ST8SIA4: variants seen among roughly 807,000 people sequenced by gnomAD.
ST8SIA4 encodes the protein CMP-N-acetylneuraminate-poly-alpha-2,8-sialyltransferase.
In ST8SIA4, 15 loss-of-function variants were observed where a neutral mutation model predicts 33.9. The ratio of observed to expected loss-of-function variants is 0.44; its 90% CI spans 0.30 to 0.68. The LOEUF is 0.68. Ranked by LOEUF, ST8SIA4 falls within the 30% of genes least tolerant of loss-of-function variation. ST8SIA4 has a pLI of 0.10. For synonymous variants in ST8SIA4, 171 were observed against 151.2 expected (o/e 1.13, Z -0.96); for missense variants, 321 against 428.0 (o/e 0.75, Z 2.21).
intron 1 of ST8SIA4, among the ~76,000 whole-genome samples, chr5:100,901,710 A>G (rs1180226675): frequency 6.6e-6 from 1 of 152,000 alleles, no homozygotes; most frequent in African/African-American, 2.4e-5. Context: ...CTGGTTTTCT[A>G]CAGAATAGCA....
chr5:100,878,468 T>C (rs769537521), intron 3 of ST8SIA4, among the ~76,000 whole-genome samples: 56 of 152,274 alleles, frequency 3.7e-4, no homozygotes, highest in Non-Finnish European at 7.4e-4. Flanking sequence ...TGAGCCACTG[T>C]GCTGGGCTGC....
chr5:100,883,217 A>C (rs1341480333), intron 3 of ST8SIA4, among the ~76,000 whole-genome samples: 2 of 152,206 alleles, frequency 1.3e-5, no homozygotes, highest in Non-Finnish European at 2.9e-5. Context: ...CATCAGCGTG[A>C]CCTACACGTG....
intron 3 of ST8SIA4, among the ~76,000 whole-genome samples, chr5:100,879,004 G>A (rs2112464953): frequency 6.6e-6 from 1 of 152,166 alleles, no homozygotes; most frequent in Non-Finnish European, 1.5e-5. Flanking sequence ...AGACAGTAGA[G>A]CCCTAGCAAA....
At position 100,895,662 on chromosome 5, in the gene ST8SIA4, T is replaced by G; in HGVS notation, c.237A>C (p.Leu79=). ...TTAGTAAAGAAACTCACCTTATCTC[T>G]AGGACCAAAGAGGAATTGATTTTCC... is the stretch of plus-strand genomic sequence containing the variant. ...EGWKINSSLV[L]EIRKNILRFL... Residue 79 remains leucine, a synonymous_variant, in exon 2 of 5, where the codon CTA becomes CTC. Transcript: ENST00000231461. 6.2e-6 allele frequency: 10 copies of G among 1,610,492 alleles called. No homozygotes were observed. The highest frequency in any genetic ancestry group is 8.5e-6 in the Non-Finnish European group (10 of 1,178,076).
intron 3 of ST8SIA4, chr5:100,885,966 C>G (rs753586282): frequency 1.2e-6 from 1 of 825,646 alleles, no homozygotes; most frequent in Non-Finnish European, 1.5e-6. Context: ...TTACATCATT[C>G]CATAGTAATA....
chr5:100,821,683 A>T (rs763681274), intron 4 of ST8SIA4, among the ~76,000 whole-genome samples: 1 of 152,228 alleles, frequency 6.6e-6, no homozygotes, highest in East Asian at 1.9e-4. Flanking sequence ...TACACTAACT[A>T]AACATCAGTC....
chr5:100,880,465 T>G (rs527894612), intron 3 of ST8SIA4, among the ~76,000 whole-genome samples: 33 of 152,284 alleles, frequency 2.2e-4, no homozygotes, highest in African/African-American at 6.3e-4. Flanking sequence ...CATAGGTATG[T>G]GGGTAAGAGG....
intron 4 of ST8SIA4, among the ~76,000 whole-genome samples, chr5:100,843,359 T>G (rs1224708240): frequency 6.6e-6 from 1 of 151,796 alleles, no homozygotes. Context: ...TATTCTTAGT[T>G]AGAAATAAGG....
Position 100,887,225 on chromosome 5 carries a change from AATAG to A in ST8SIA4, c.246-629_246-626del, listed in dbSNP as rs1752558341. ...AGATGGATACATCAAAGACAAAATG[AATAG>A]ATAGAACATTGGACTCTGTGTGGCA... On this transcript the variant is annotated intron_variant, in intron 2 of 4. Coordinates refer to ENST00000231461, the MANE Select transcript of ST8SIA4 (RefSeq NM_005668.6). Among the ~76,000 whole-genome samples, 6 of 152,066 alleles carry A rather than the reference AATAG, an allele frequency of 3.9e-5. No homozygotes were observed. In the South Asian group the frequency reaches 1.2e-3, roughly 31 times the overall value.
intron 2 of ST8SIA4, chr5:100,890,745 C>T (rs1752643394): frequency 6.6e-6 from 1 of 151,782 alleles, no homozygotes; most frequent in Non-Finnish European, 1.5e-5. Context: ...TAAGCAAACA[C>T]CTAAATTGAG....
intron 4 of ST8SIA4, among the ~76,000 whole-genome samples, chr5:100,845,224 A>G (rs1017735007): frequency 2.0e-4 from 31 of 152,006 alleles, no homozygotes; most frequent in Admixed American, 1.4e-3. Flanking sequence ...GTACACTTGT[A>G]TCATTTGAAG....
chr5:100,895,570 T>C, intron 2 of ST8SIA4, 84 bp downstream of exon 2: 1 of 1,314,610 alleles, frequency 7.6e-7, no homozygotes, highest in Non-Finnish European at 1.1e-6. Flanking sequence ...AAACCATAAA[T>C]CCAGTGTTGA....
At position 100,903,271 on chromosome 5, in the gene ST8SIA4, T is replaced by C. The variant is rs1580494161; in HGVS notation, c.-316A>G. On this transcript the variant is annotated 5_prime_UTR_variant, in exon 1 of 5. Coordinates refer to ENST00000231461, the MANE Select transcript of ST8SIA4 (RefSeq NM_005668.6). The stretch of plus-strand genomic sequence containing the variant: ...GGTGGCGGCAGCTTCTGCAGCTGGG[T>C]TCGGGGGCGTCACTGGCCCTTCCCT... 1 of 350,772 alleles carries C rather than the reference T, an allele frequency of 2.9e-6. No individual in the cohort carries two copies. Among genetic ancestry groups the C allele is most frequent in the Non-Finnish European group, 5.3e-6 (1 of 189,072 alleles). The allele number at this position is 350,772 out of a possible 1,614,324, so 21.7% of individuals were successfully genotyped here.
intron 2 of ST8SIA4, among the ~76,000 whole-genome samples, 178 bp from the exon 3 acceptor site, chr5:100,886,778 T>C (rs1371428692): frequency 6.6e-6 from 1 of 152,108 alleles, no homozygotes; most frequent in Non-Finnish European, 1.5e-5. Context: ...AAGTCGATTC[T>C]ATAAGAAACA....
chr5:100,873,247 G>A (rs1342979434), intron 3 of ST8SIA4, among the ~76,000 whole-genome samples: 1 of 152,044 alleles, frequency 6.6e-6, no homozygotes, highest in Non-Finnish European at 1.5e-5. Context: ...TGCAGGGCAG[G>A]GAATGAAGAT....
chr5:100,831,497 C>A (rs1300388693), intron 4 of ST8SIA4, among the ~76,000 whole-genome samples: 1 of 151,910 alleles, frequency 6.6e-6, no homozygotes, highest in Non-Finnish European at 1.5e-5. Flanking sequence ...CTTTTTGAGG[C>A]ACAATTCTTT....
chr5:100,821,267 G>T (rs1233172946), intron 4 of ST8SIA4, among the ~76,000 whole-genome samples: 1 of 152,088 alleles, frequency 6.6e-6, no homozygotes, highest in African/African-American at 2.4e-5. Flanking sequence ...AATACAAGGG[G>T]TGGTAGTGGT....
chr5:100,881,886 C>T (rs1228738486), intron 3 of ST8SIA4, among the ~76,000 whole-genome samples: 1 of 152,206 alleles, frequency 6.6e-6, no homozygotes, highest in African/African-American at 2.4e-5. Flanking sequence ...TTTCGCCTCC[C>T]ACCATAATTC....
At chr5:100,886,004 TCA>T in intron 3 of ST8SIA4, 1 of 958,826 alleles carries the variant, frequency 1.0e-6, no homozygotes, top group Non-Finnish European at 1.3e-6. Flanking sequence ...ACAAATAAAA[TCA>T]CACAAAACTA....
Sources: gnomAD v4.1 joint callset for allele counts (sites outside exome capture counted in the v4.1 genomes callset) on GRCh38, gnomAD v4.1.1 for gene constraint, MANE v1.5 for transcripts, NCBI Gene and HGNC (gene_info 2026-07-23, HGNC 2026-07-21) for gene names.